PLAT: variants seen among roughly 807,000 people sequenced by gnomAD.
PLAT encodes plasminogen activator, tissue type, also known as tissue-type plasminogen activator.
PLAT carries 48 observed loss-of-function variants against 74.9 expected under a neutral mutation model. The ratio of observed to expected loss-of-function variants is 0.64; its 90% CI spans 0.51 to 0.82. The LOEUF is 0.82. PLAT is among the 40% of genes least tolerant of loss of function. The pLI, the probability that PLAT is intolerant of heterozygous loss-of-function variation, is 0.00. For synonymous variants in PLAT, 307 were observed against 294.4 expected, an observed-to-expected ratio of 1.04 and a Z score of -0.44; for missense variants, 673 against 736.2, an observed-to-expected ratio of 0.91 and a Z score of 0.99.
In PLAT at chr8:42,179,988, G is replaced by A. The variant is rs778193644; in HGVS notation, c.1301C>T (p.Ala434Val). ...SVVRTVCLPP[A>V]DLQLPDWTEC... is the part of the protein sequence containing the mutation. ...CGTCCAGTCCGGCAGCTGCAGGTCC[G>A]CCGGGGGAAGGCACACAGTGCGGAC... The change falls in exon 12 of 14, where the codon GCG becomes GTG. Residue 434 changes from alanine to valine, a missense_variant. Ala to Val is a moderately conservative substitution (Grantham distance 64). Coordinates refer to ENST00000220809, the MANE Select transcript of PLAT (RefSeq NM_000930.5). The A allele has an allele frequency of 1.1e-5, 17 of 1,608,482 alleles. No individual in the cohort carries two copies. The South Asian group carries it at 1.8e-4, about 17-fold the overall frequency.
At chr8:42,182,991 G>A in intron 7 of PLAT, 101 bp from the exon 8 acceptor site, 1 of 889,892 alleles carries the variant, frequency 1.1e-6, no homozygotes, top group Non-Finnish European at 1.8e-6. Context: ...GAAGCTGGAG[G>A]CCGCTAGCCC....
chr8:42,183,502 T>G (rs1805331034), intron 7 of PLAT, among the ~76,000 whole-genome samples: 2 of 152,278 alleles, frequency 1.3e-5, no homozygotes, highest in African/African-American at 2.4e-5. Context: ...CTTGTGTTAC[T>G]TAACAGGCTG....
intron 1 of PLAT, among the ~76,000 whole-genome samples, chr8:42,197,875 C>T (rs1490835179): frequency 2.0e-5 from 3 of 152,208 alleles, no homozygotes; most frequent in Non-Finnish European, 2.9e-5. Flanking sequence ...AATCTCCTGC[C>T]AGCAATGCAA....
At chr8:42,191,190 G>A (rs1805669892) in intron 3 of PLAT, among the ~76,000 whole-genome samples, 182 bp downstream of exon 3, 1 of 152,196 alleles carries the variant, frequency 6.6e-6, no homozygotes, top group African/African-American at 2.4e-5. Flanking sequence ...CCGCCCAGTG[G>A]CCGCAGCTGA....
chr8:42,192,704 C>CTA (rs1485135013), intron 2 of PLAT, among the ~76,000 whole-genome samples: 2 of 152,148 alleles, frequency 1.3e-5, no homozygotes, highest in African/African-American at 4.8e-5. Flanking sequence ...CTACACCATT[C>CTA]TATATGAGGA....
Position 42,193,103 on chromosome 8 carries a change from T to G in PLAT, c.72+11A>C. 3 of 1,602,776 alleles carry G rather than the reference T, an allele frequency of 1.9e-6. No individual in the cohort carries two copies. Among genetic ancestry groups the G allele is most frequent in the Non-Finnish European group, 2.6e-6 (3 of 1,169,906 alleles). On this transcript the variant is annotated intron_variant, in intron 2 of 13. Coordinates refer to ENST00000220809, the MANE Select transcript of PLAT (RefSeq NM_000930.5). ...CTTGAGGGGCGGGACACAGGGATCC[T>G]GCACACCAACCTGGCTGGGCGAAAC...
At chr8:42,196,031 C>T (rs549686383) in intron 1 of PLAT, among the ~76,000 whole-genome samples, 1 of 152,192 alleles carries the variant, frequency 6.6e-6, no homozygotes. Flanking sequence ...TTCTTTATTT[C>T]AAGAACTCAA....
chr8:42,201,188 C>G lies in PLAT; in HGVS notation c.-27+6306G>C, dbSNP rs192386664. On this transcript the variant is annotated intron_variant, in intron 1 of 13. Transcript: ENST00000220809. ...ACAGCAGAATGCCACAAAGAAGGGG[C>G]GTGGTCACTGGATTCTCAACCTGGA... Among the ~76,000 whole-genome samples, 5 of 152,290 alleles carry G rather than the reference C, an allele frequency of 3.3e-5. No individual in the cohort carries two copies. In the South Asian group the frequency reaches 1.0e-3, roughly 32 times the overall value.
At chr8:42,194,466 C>T (rs1484247419) in intron 1 of PLAT, among the ~76,000 whole-genome samples, 1 of 152,116 alleles carries the variant, frequency 6.6e-6, no homozygotes, top group Admixed American at 6.5e-5. Context: ...TTTATCCATT[C>T]GTCTGTCAAT....
At chr8:42,202,051 G>A (rs1039632932) in intron 1 of PLAT, among the ~76,000 whole-genome samples, 7 of 152,172 alleles carry the variant, frequency 4.6e-5, no homozygotes, top group African/African-American at 7.2e-5. Flanking sequence ...ACAGGGTCTC[G>A]CCCAGTCACC....
chr8:42,191,630 T>C (rs1174458762), intron 2 of PLAT, among the ~76,000 whole-genome samples: 1 of 152,142 alleles, frequency 6.6e-6, no homozygotes, highest in East Asian at 1.9e-4. Context: ...GCTTTCTGCT[T>C]GGTGGAAATG....
At chr8:42,207,071 G>A (rs893509752) in intron 1 of PLAT, among the ~76,000 whole-genome samples, 3 of 152,204 alleles carry the variant, frequency 2.0e-5, no homozygotes, top group Non-Finnish European at 2.9e-5. Flanking sequence ...TCGGGGGAGG[G>A]AGGAAACTAG....
rs115966301 is a variant in PLAT, at chr8:42,176,050, A to G, written c.1632T>C (p.Gly544=). 68 of 1,614,034 alleles carry G rather than the reference A, an allele frequency of 4.2e-5. No homozygotes were observed. In the African/African-American group the frequency reaches 6.9e-4, roughly 16 times the overall value. The change falls in exon 14 of 14, where the codon GGT becomes GGC. Residue 544 remains glycine (G), a synonymous_variant. Coordinates refer to ENST00000220809, the MANE Select transcript of PLAT (RefSeq NM_000930.5). ...GGTAGTTGGTAACCTTGGTGTACAC[A>G]CCCGGGACATCCTTCTGTCCACAGC... ...GLGCGQKDVP[G]VYTKVTNYLD...
chr8:42,179,193 ACACTG>A, intron 12 of PLAT, 130 bp from the exon 13 acceptor site: 1 of 641,846 alleles, frequency 1.6e-6, no homozygotes, highest in Admixed American at 2.9e-5. Context: ...GAATCCTATG[ACACTG>A]CTGGTATTTT....
intron 3 of PLAT, 36 bp downstream of exon 3, chr8:42,191,336 C>T: frequency 6.3e-7 from 1 of 1,597,416 alleles, no homozygotes. Flanking sequence ...TGCCTCCCTC[C>T]CTGATGACCC....
intron 13 of PLAT, 89 bp downstream of exon 13, chr8:42,178,808 G>A: frequency 7.8e-7 from 1 of 1,277,482 alleles, no homozygotes; most frequent in Non-Finnish European, 1.1e-6. Context: ...CCACTCTGGT[G>A]ATAACTTTTT....
chr8:42,187,705 AG>A, intron 5 of PLAT, 133 bp from the exon 6 acceptor site: 6 of 893,592 alleles, frequency 6.7e-6, no homozygotes, highest in Non-Finnish European at 1.0e-5. Context: ...CTGGGTGGCA[AG>A]GGTGCCAGCC....
At position 42,193,203 on chromosome 8, in the gene PLAT, CCT is replaced by C; in HGVS notation, c.-20_-19del. 6.2e-7 allele frequency: 1 copy of C among 1,608,600 alleles called. No individual in the cohort carries two copies. The highest frequency in any genetic ancestry group is 8.5e-7 in the Non-Finnish European group (1 of 1,175,156). ...GCATCCATGATTGCTTCACAGCGTC[CCT>C]TAAATTCTGGAAGGAGAGAAAAAAC... On this transcript the variant is annotated 5_prime_UTR_variant, in exon 2 of 14. Coordinates refer to ENST00000220809, the MANE Select transcript of PLAT (RefSeq NM_000930.5).
chr8:42,182,999 C>T (rs1554713606), intron 7 of PLAT, 109 bp from the exon 8 acceptor site: 1 of 800,442 alleles, frequency 1.2e-6, no homozygotes, highest in Non-Finnish European at 2.0e-6. Flanking sequence ...AGGCCGCTAG[C>T]CCGGCACTGA....
Sources: allele counts gnomAD v4.1 joint callset (sites outside exome capture counted in the v4.1 genomes callset), GRCh38; gene constraint gnomAD v4.1.1; transcripts MANE v1.5; gene names NCBI Gene and HGNC (gene_info 2026-07-23, HGNC 2026-07-21).